Variants in SCHIP1 observed in about 807,000 individuals in gnomAD.
SCHIP1 encodes schwannomin interacting protein 1, also known as schwannomin-interacting protein 1.
A neutral mutation model predicts 29.7 loss-of-function variants in SCHIP1; 8 were observed. That is an observed-to-expected ratio of 0.27 (90% CI 0.16 to 0.49). SCHIP1 has a LOEUF of 0.49. Ranked by LOEUF, SCHIP1 falls within the 20% of genes least tolerant of loss-of-function variation. The probability of loss-of-function intolerance (pLI) is 0.99; values close to 1 mark genes in which losing one functional copy is unlikely to be tolerated. For synonymous variants in SCHIP1, 76 were observed against 94.9 expected (o/e 0.80, Z 1.16); for missense variants, 193 against 294.6 (o/e 0.66, Z 2.52).
chr3:159,854,950 C>T (rs1030933699), intron 1 of SCHIP1, among the ~76,000 whole-genome samples: 2 of 152,220 alleles, frequency 1.3e-5, no homozygotes, highest in African/African-American at 4.8e-5. Flanking sequence ...ACTAAAGCTA[C>T]AGACATGTAC....
At chr3:159,375,824 A>C in the SCHIP1 span, 1 of 831,218 alleles carries the variant, frequency 1.2e-6, no homozygotes, top group Non-Finnish European at 1.5e-6. Flanking sequence ...CTAGACAGGC[A>C]GGAATCATCA....
the SCHIP1 span, among the ~76,000 whole-genome samples, chr3:159,328,445 G>C: frequency 0.031 from 4,764 of 152,196 alleles, 270 homozygotes; most frequent in African/African-American, 0.11. Context: ...AGGCCTAAAA[G>C]AGACAGTGGT....
At chr3:159,845,044 C>G (rs1423361866) in intron 1 of SCHIP1, among the ~76,000 whole-genome samples, 2 of 152,230 alleles carry the variant, frequency 1.3e-5, no homozygotes, top group African/African-American at 4.8e-5. Flanking sequence ...ACATTTCAGA[C>G]TCCTCTGCAT....
chr3:159,602,178 C>A, the SCHIP1 span, among the ~76,000 whole-genome samples: 1 of 152,294 alleles, frequency 6.6e-6, no homozygotes, highest in Admixed American at 6.5e-5. Flanking sequence ...CCCCTCAATA[C>A]CACGTTCCTC....
chr3:159,560,983 A>G, the SCHIP1 span, among the ~76,000 whole-genome samples: 1 of 152,230 alleles, frequency 6.6e-6, no homozygotes, highest in Non-Finnish European at 1.5e-5. Context: ...TACTCTGGAA[A>G]GCATTTTTCT....
the SCHIP1 span, among the ~76,000 whole-genome samples, chr3:159,758,518 G>A: frequency 3.7e-3 from 519 of 138,676 alleles, 5 homozygotes; most frequent in African/African-American, 0.014. Context: ...AAACCTTCTG[G>A]AAAAAGAAAA....
chr3:159,657,565 G>T, the SCHIP1 span, among the ~76,000 whole-genome samples: 1 of 152,182 alleles, frequency 6.6e-6, no homozygotes, highest in African/African-American at 2.4e-5. Flanking sequence ...AACCGGTTTA[G>T]ATTTTGATCT....
chr3:159,840,323 TC>T (rs1744113162), intron 1 of SCHIP1: 3 of 954,338 alleles, frequency 3.1e-6, no homozygotes, highest in Middle Eastern at 4.2e-4. Context: ...TTTGCCATCT[TC>T]CGCGCCTGGC....
the SCHIP1 span, among the ~76,000 whole-genome samples, chr3:159,401,591 T>C: frequency 6.6e-6 from 1 of 152,190 alleles, no homozygotes; most frequent in South Asian, 2.1e-4. Context: ...TAAAAAGTAC[T>C]ATAACCAGTA....
chr3:159,333,821 TAACA>T, the SCHIP1 span, among the ~76,000 whole-genome samples: 36,282 of 151,940 alleles, frequency 0.24, 4,637 homozygotes, highest in African/African-American at 0.33. Flanking sequence ...CAGGAAGTAC[TAACA>T]AACATTCATG....
the SCHIP1 span, among the ~76,000 whole-genome samples, chr3:159,595,347 A>G: frequency 3.4e-4 from 51 of 152,160 alleles, 1 homozygote; most frequent in East Asian, 7.8e-4. Context: ...TCCTGCTTCA[A>G]TGGTGAAGGA....
At chr3:159,569,097 T>C in the SCHIP1 span, among the ~76,000 whole-genome samples, 1 of 152,156 alleles carries the variant, frequency 6.6e-6, no homozygotes. Context: ...CTTTCAACCT[T>C]CCTGAGTCCC....
chr3:159,600,845 T>C, the SCHIP1 span, among the ~76,000 whole-genome samples: 1 of 152,254 alleles, frequency 6.6e-6, no homozygotes, highest in African/African-American at 2.4e-5. Context: ...TCTGAAGATA[T>C]ATCTGTGATG....
chr3:159,643,930 A>G, the SCHIP1 span, among the ~76,000 whole-genome samples: 263 of 152,222 alleles, frequency 1.7e-3, 1 homozygote, highest in African/African-American at 6.1e-3. Flanking sequence ...GACAGCGAGC[A>G]CCACTCATCG....
intron 3 of SCHIP1, 68 bp from the exon 5 acceptor site, chr3:159,887,640 A>G (rs757584480): frequency 1.5e-4 from 235 of 1,573,000 alleles, no homozygotes; most frequent in Non-Finnish European, 2.0e-4. Flanking sequence ...AGGATGTTGT[A>G]GCCCATCTCT....
the SCHIP1 span, among the ~76,000 whole-genome samples, chr3:159,697,431 A>C: frequency 6.6e-6 from 1 of 152,120 alleles, no homozygotes; most frequent in African/African-American, 2.4e-5. Context: ...TATCATATAG[A>C]TTGTAATTAA....
chr3:159,517,100 G>A, the SCHIP1 span, among the ~76,000 whole-genome samples: 21 of 152,264 alleles, frequency 1.4e-4, no homozygotes, highest in East Asian at 3.5e-3. Context: ...GTGAGAAGAC[G>A]TTCCCCAGAA....
the SCHIP1 span, among the ~76,000 whole-genome samples, chr3:159,474,551 A>T: frequency 6.6e-6 from 1 of 152,158 alleles, no homozygotes; most frequent in Non-Finnish European, 1.5e-5. Flanking sequence ...TCTAAACGGT[A>T]TCCAGATCCA....
the SCHIP1 span, among the ~76,000 whole-genome samples, chr3:159,815,916 A>G: frequency 4.2e-5 from 6 of 144,366 alleles, no homozygotes; most frequent in East Asian, 4.2e-4. Context: ...CAACCTCAAC[A>G]TAGTCTCTCT....
Sources: allele counts gnomAD v4.1 joint callset (sites outside exome capture counted in the v4.1 genomes callset), GRCh38; gene constraint gnomAD v4.1.1; transcripts MANE v1.5; gene names NCBI Gene and HGNC (gene_info 2026-07-23, HGNC 2026-07-21).